The following PRTFDC1 variants were observed in gnomAD, a reference collection of about 807,000 sequenced individuals.
The protein encoded by PRTFDC1 is phosphoribosyltransferase domain-containing protein 1.
A neutral mutation model predicts 34.6 loss-of-function variants in PRTFDC1; 38 were observed. The observed-to-expected ratio is 1.10, with a 90% CI of 0.85 to 1.44. The LOEUF (loss-of-function observed/expected upper bound fraction) is 1.44, where lower values mean the gene tolerates loss of function less well. Ranked by LOEUF, PRTFDC1 falls within the 40% of genes most tolerant of loss-of-function variation. PRTFDC1 has a pLI of 0.00. For synonymous variants in PRTFDC1, 93 were observed against 98.1 expected (o/e 0.95, Z 0.31); for missense variants, 270 against 283.0 (o/e 0.95, Z 0.33).
chr10:24,854,171 T>A (rs1027139936), intron 7 of PRTFDC1, among the ~76,000 whole-genome samples: 4 of 152,324 alleles, frequency 2.6e-5, no homozygotes, highest in Admixed American at 6.5e-5. Flanking sequence ...TATAAGAAAT[T>A]TGTCATTGAA....
At chr10:24,915,449 T>C (rs1180696489) in intron 3 of PRTFDC1, among the ~76,000 whole-genome samples, 1 of 152,146 alleles carries the variant, frequency 6.6e-6, no homozygotes, top group Admixed American at 6.6e-5. Context: ...GGCTTCCATA[T>C]CCCTATAGGC....
chr10:24,920,166 T>C (rs974511524), intron 3 of PRTFDC1, among the ~76,000 whole-genome samples: 10 of 152,026 alleles, frequency 6.6e-5, no homozygotes, highest in African/African-American at 1.4e-4. Context: ...ATTATAAAGA[T>C]ACATGCACAC....
chr10:24,950,489 A>G (rs1467715843), intron 1 of PRTFDC1, among the ~76,000 whole-genome samples: 1 of 152,158 alleles, frequency 6.6e-6, no homozygotes, highest in Non-Finnish European at 1.5e-5. Flanking sequence ...AACTTGTACT[A>G]TATTTTAACC....
chr10:24,869,584 T>A (rs1847842050), intron 4 of PRTFDC1, among the ~76,000 whole-genome samples: 1 of 152,202 alleles, frequency 6.6e-6, no homozygotes, highest in Non-Finnish European at 1.5e-5. Flanking sequence ...TCTGGCTACT[T>A]CTGGTGGTTA....
chr10:24,900,664 T>A (rs1324022589), intron 3 of PRTFDC1, among the ~76,000 whole-genome samples: 1 of 152,156 alleles, frequency 6.6e-6, no homozygotes, highest in East Asian at 1.9e-4. Context: ...ATGAAAAAAA[T>A]TCATTGAATA....
intron 3 of PRTFDC1, among the ~76,000 whole-genome samples, chr10:24,882,204 C>CAAAAAAAAAAAAAAAAAAAAA (rs10651020): frequency 9.3e-6 from 1 of 107,512 alleles, no homozygotes; most frequent in Non-Finnish European, 1.8e-5. Flanking sequence ...GGATCTGCCT[C>CAAAAAAAAAAAAAAAAAAAAA]AAAAAAAAAA....
At chr10:24,903,707 CT>C (rs112008221) in intron 3 of PRTFDC1, among the ~76,000 whole-genome samples, 554 of 142,382 alleles carry the variant, frequency 3.9e-3, no homozygotes, top group Admixed American at 3.8e-3. Context: ...AAGTTGTATT[CT>C]TTTTTTTTTT....
chr10:24,906,194 A>G (rs1370085010), intron 3 of PRTFDC1, among the ~76,000 whole-genome samples: 1 of 152,028 alleles, frequency 6.6e-6, no homozygotes, highest in African/African-American at 2.4e-5. Flanking sequence ...TGCTTTCTCA[A>G]TGCTTTCTCA....
intron 3 of PRTFDC1, among the ~76,000 whole-genome samples, chr10:24,913,873 G>C (rs970355780): frequency 1.3e-5 from 2 of 152,156 alleles, no homozygotes; most frequent in African/African-American, 4.8e-5. Context: ...GATTTGTATG[G>C]TTATTTTTAA....
intron 3 of PRTFDC1, among the ~76,000 whole-genome samples, chr10:24,936,980 A>C (rs998307959): frequency 2.0e-5 from 3 of 152,216 alleles, no homozygotes; most frequent in Admixed American, 2.0e-4. Flanking sequence ...ATGTGAAAAT[A>C]GAGAGAAGGT....
intron 3 of PRTFDC1, among the ~76,000 whole-genome samples, chr10:24,904,077 T>G (rs995722280): frequency 6.6e-6 from 1 of 152,154 alleles, no homozygotes; most frequent in Non-Finnish European, 1.5e-5. Flanking sequence ...CTATTCTTTC[T>G]AAACTGTAAA....
At chr10:24,871,523 AAAAAGGCAAAGTGCTG>A (rs1847866782) in intron 4 of PRTFDC1, among the ~76,000 whole-genome samples, 3 of 152,176 alleles carry the variant, frequency 2.0e-5, no homozygotes, top group Admixed American at 2.0e-4. Context: ...TTTAATAGAA[AAAAAGGCAAAGTGCTG>A]AAAACGCACT....
chr10:24,909,457 T>C (rs1848593564), intron 3 of PRTFDC1, among the ~76,000 whole-genome samples: 1 of 152,190 alleles, frequency 6.6e-6, no homozygotes, highest in Non-Finnish European at 1.5e-5. Context: ...TATGGATCCT[T>C]TTAAGGATGA....
intron 4 of PRTFDC1, among the ~76,000 whole-genome samples, chr10:24,858,632 G>A (rs1847621900): frequency 6.6e-6 from 1 of 152,152 alleles, no homozygotes; most frequent in Non-Finnish European, 1.5e-5. Flanking sequence ...ATTTAGGTTA[G>A]AAGCAAGCTT....
At chr10:24,872,185 A>G in intron 3 of PRTFDC1, 122 bp from the exon 4 acceptor site, 1 of 803,996 alleles carries the variant, frequency 1.2e-6, no homozygotes, top group Admixed American at 2.1e-5. Flanking sequence ...ACAAATAGCT[A>G]ATAGGGATTC....
chr10:24,866,443 C>G (rs967737728), intron 4 of PRTFDC1, among the ~76,000 whole-genome samples: 3 of 151,632 alleles, frequency 2.0e-5, no homozygotes, highest in African/African-American at 7.3e-5. Flanking sequence ...TGGGCTTAAC[C>G]TGCACATCTG....
At chr10:24,934,068 A>G (rs1486972128) in intron 3 of PRTFDC1, among the ~76,000 whole-genome samples, 2 of 152,184 alleles carry the variant, frequency 1.3e-5, no homozygotes, top group Non-Finnish European at 2.9e-5. Flanking sequence ...AAGTGAAGTC[A>G]TAAGTACACA....
At chr10:24,945,515 C>T (rs975723686) in intron 1 of PRTFDC1, among the ~76,000 whole-genome samples, 2 of 152,140 alleles carry the variant, frequency 1.3e-5, no homozygotes, top group Admixed American at 1.3e-4. Flanking sequence ...AGTGGAGTAC[C>T]ACAATCATAG....
intron 3 of PRTFDC1, among the ~76,000 whole-genome samples, chr10:24,883,940 C>T (rs1046648944): frequency 2.6e-5 from 4 of 150,978 alleles, no homozygotes; most frequent in African/African-American, 9.7e-5. Flanking sequence ...TTCTCAGCCT[C>T]AGCCTCCTGA....
Sources: allele counts gnomAD v4.1 joint callset (sites outside exome capture counted in the v4.1 genomes callset), GRCh38; gene constraint gnomAD v4.1.1; transcripts MANE v1.5; gene names NCBI Gene and HGNC (gene_info 2026-07-23, HGNC 2026-07-21).